The following SLC2A13 variants were observed in gnomAD, a reference collection of about 807,000 sequenced individuals.
The protein encoded by SLC2A13 is proton myo-inositol cotransporter.
In SLC2A13, 32 loss-of-function variants were observed where a neutral mutation model predicts 64.4. That is an observed-to-expected ratio of 0.50 (90% confidence interval 0.37 to 0.67). The LOEUF (loss-of-function observed/expected upper bound fraction) is 0.67. Ranked by LOEUF, SLC2A13 falls within the 30% of genes least tolerant of loss-of-function variation. The pLI, the probability that SLC2A13 is intolerant of heterozygous loss-of-function variation, is 0.00. For missense variants in SLC2A13, 743 were observed against 829.2 expected, an observed-to-expected ratio of 0.90 and a Z score of 1.28; for synonymous variants, 338 against 327.1, an observed-to-expected ratio of 1.03 and a Z score of -0.36.
intron 4 of SLC2A13, among the ~76,000 whole-genome samples, chr12:39,888,922 T>C (rs950878636): frequency 1.3e-5 from 2 of 152,182 alleles, no homozygotes; most frequent in Non-Finnish European, 2.9e-5. Context: ...AGATTTCAAA[T>C]AAATATATAA....
At chr12:40,026,227 C>T (rs1239765040) in intron 3 of SLC2A13, among the ~76,000 whole-genome samples, 3 of 152,148 alleles carry the variant, frequency 2.0e-5, no homozygotes, top group Non-Finnish European at 4.4e-5. Context: ...GTTAATAATC[C>T]TATTAGTTCC....
chr12:39,951,457 C>T (rs1946228491), intron 3 of SLC2A13, 92 bp from the exon 4 acceptor site: 1 of 945,956 alleles, frequency 1.1e-6, no homozygotes, highest in African/African-American at 1.7e-5. Flanking sequence ...CCTAAATCTT[C>T]ATGAAATCAA....
At chr12:39,969,059 T>C (rs1185014154) in intron 3 of SLC2A13, among the ~76,000 whole-genome samples, 2 of 152,152 alleles carry the variant, frequency 1.3e-5, no homozygotes, top group Non-Finnish European at 2.9e-5. Flanking sequence ...TTTGGTTTTT[T>C]TGTCCTTGCG....
At chr12:40,104,758 G>A (rs1463098667) in intron 1 of SLC2A13, among the ~76,000 whole-genome samples, 1 of 152,196 alleles carries the variant, frequency 6.6e-6, no homozygotes, top group African/African-American at 2.4e-5. Context: ...TCAGAGTCCA[G>A]AATTACTTAA....
intron 4 of SLC2A13, among the ~76,000 whole-genome samples, chr12:39,933,210 C>T (rs907038841): frequency 2.0e-5 from 3 of 152,208 alleles, no homozygotes; most frequent in Non-Finnish European, 2.9e-5. Flanking sequence ...GCCTGGGCGA[C>T]AGAGCAAGAC....
At chr12:39,947,338 C>G (rs1946152587) in intron 4 of SLC2A13, among the ~76,000 whole-genome samples, 1 of 152,186 alleles carries the variant, frequency 6.6e-6, no homozygotes, top group Non-Finnish European at 1.5e-5. Flanking sequence ...ACTTGGTCTT[C>G]TTAGGTAAAA....
intron 7 of SLC2A13, among the ~76,000 whole-genome samples, chr12:39,811,470 C>G (rs1462886611): frequency 1.3e-5 from 2 of 151,984 alleles, no homozygotes; most frequent in African/African-American, 4.8e-5. Flanking sequence ...TTAAGTATTG[C>G]TTTAGCTGTC....
chr12:39,965,407 G>A (rs1946491778), intron 3 of SLC2A13, among the ~76,000 whole-genome samples: 1 of 152,068 alleles, frequency 6.6e-6, no homozygotes. Flanking sequence ...GTCTCCTCTT[G>A]TTACATTTAG....
intron 3 of SLC2A13, among the ~76,000 whole-genome samples, chr12:40,019,618 G>T (rs545238423): frequency 1.3e-5 from 2 of 152,214 alleles, no homozygotes; most frequent in East Asian, 3.8e-4. Context: ...AGATGTGCTT[G>T]TAACATTTAT....
intron 6 of SLC2A13, among the ~76,000 whole-genome samples, chr12:39,851,410 T>G (rs1360690402): frequency 6.6e-6 from 1 of 152,196 alleles, no homozygotes; most frequent in Admixed American, 6.5e-5. Flanking sequence ...GCATTCTGAC[T>G]CTTAACTGAC....
chr12:39,874,118 A>C (rs1190665471), intron 4 of SLC2A13, among the ~76,000 whole-genome samples: 1 of 152,184 alleles, frequency 6.6e-6, no homozygotes, highest in African/African-American at 2.4e-5. Context: ...CAGAGCAAAT[A>C]ATTTATTTGC....
At chr12:39,930,350 C>T (rs1395285221) in intron 4 of SLC2A13, among the ~76,000 whole-genome samples, 1 of 151,984 alleles carries the variant, frequency 6.6e-6, no homozygotes, top group African/African-American at 2.4e-5. Context: ...CACAGAGCTG[C>T]TCAGTGGGGA....
intron 7 of SLC2A13, among the ~76,000 whole-genome samples, chr12:39,815,450 G>A (rs761687192): frequency 1.5e-4 from 23 of 152,148 alleles, no homozygotes; most frequent in South Asian, 6.2e-4. Flanking sequence ...TATAGGACTC[G>A]TAGGCTGGAG....
intron 4 of SLC2A13, among the ~76,000 whole-genome samples, chr12:39,902,294 A>G (rs1019074261): frequency 5.3e-5 from 8 of 151,990 alleles, no homozygotes; most frequent in African/African-American, 1.2e-4. Flanking sequence ...TACATATGTA[A>G]CTAACCTGCA....
chr12:39,978,152 T>C (rs980295023), intron 3 of SLC2A13, among the ~76,000 whole-genome samples: 3 of 152,204 alleles, frequency 2.0e-5, no homozygotes, highest in Non-Finnish European at 2.9e-5. Context: ...GCTCAAAAAT[T>C]GGCTCTCAAG....
chr12:39,791,114 A>G (rs371200335), intron 7 of SLC2A13, among the ~76,000 whole-genome samples: 60 of 151,336 alleles, frequency 4.0e-4, no homozygotes, highest in South Asian at 1.7e-3. Flanking sequence ...TAGATTCTGG[A>G]TATTAGCCCT....
rs1033982829 is a variant in SLC2A13, at chr12:39,988,899, G to A, written c.926-37534C>T. Among the ~76,000 whole-genome samples, 9 of 151,784 alleles carry A rather than the reference G, an allele frequency of 5.9e-5. No individual in the cohort carries two copies. The East Asian group carries it at 9.7e-4, about 16-fold the overall frequency. On this transcript the variant is annotated intron_variant, in intron 3 of 9. Transcript: ENST00000280871. ...TCAGTAAATATTGTTAACTCTATAC[G>A]TCGCCTCCTCTCACAACCCCCATAG... is the stretch of plus-strand genomic sequence containing the variant.
chr12:39,834,599 C>T (rs990645891), intron 6 of SLC2A13, among the ~76,000 whole-genome samples: 1 of 151,998 alleles, frequency 6.6e-6, no homozygotes, highest in Non-Finnish European at 1.5e-5. Context: ...CATACCATTT[C>T]GTTCAGGGAA....
chr12:39,808,759 G>A (rs151269395), intron 7 of SLC2A13, among the ~76,000 whole-genome samples: 195 of 152,072 alleles, frequency 1.3e-3, no homozygotes, highest in Non-Finnish European at 2.4e-3. Context: ...ATCTTTTGGC[G>A]TCTTTTGAAA....
Sources: allele counts gnomAD v4.1 joint callset (sites outside exome capture counted in the v4.1 genomes callset), GRCh38; gene constraint gnomAD v4.1.1; transcripts MANE v1.5; gene names NCBI Gene and HGNC (gene_info 2026-07-23, HGNC 2026-07-21).